The following CLEC2A variants were observed in gnomAD, a reference collection of about 807,000 sequenced individuals.
CLEC2A encodes keratinocyte-associated C-type lectin.
CLEC2A carries 19 observed loss-of-function variants against 18.6 expected under a neutral mutation model. That is an observed-to-expected ratio of 1.02 (90% CI 0.71 to 1.50). The LOEUF is 1.50. CLEC2A is among the 40% of genes most tolerant of loss of function. The pLI is 0.00. For synonymous variants in CLEC2A, 74 were observed against 64.0 expected, an observed-to-expected ratio of 1.16 and a Z score of -0.75; for missense variants, 190 against 207.9, an observed-to-expected ratio of 0.91 and a Z score of 0.53.
At chr12:9,904,664 A>G (rs930265642) in intron 4 of CLEC2A, among the ~76,000 whole-genome samples, 1 of 152,090 alleles carries the variant, frequency 6.6e-6, no homozygotes, top group South Asian at 2.1e-4. Flanking sequence ...GAAGATTCCT[A>G]TGGGGTCTCG....
At chr12:9,930,041 A>G (rs1863349698) in intron 1 of CLEC2A, among the ~76,000 whole-genome samples, 3 of 152,180 alleles carry the variant, frequency 2.0e-5, no homozygotes, top group South Asian at 4.1e-4. Flanking sequence ...TAAAATTAAC[A>G]GGAATGTATT....
intron 3 of CLEC2A, among the ~76,000 whole-genome samples, chr12:9,918,859 C>T (rs772625008): frequency 2.0e-5 from 3 of 152,122 alleles, no homozygotes; most frequent in South Asian, 2.1e-4. Flanking sequence ...TTAGTACAGT[C>T]GATAGATCTC....
At chr12:9,892,224 C>T in the CLEC2A span, among the ~76,000 whole-genome samples, 10 of 151,788 alleles carry the variant, frequency 6.6e-5, no homozygotes, top group African/African-American at 1.5e-4. Flanking sequence ...AAAAAGTTAG[C>T]GGGTAAAGAA....
downstream of CLEC2A, among the ~76,000 whole-genome samples, chr12:9,912,132 TA>T (rs569023749): frequency 1.6e-3 from 243 of 152,162 alleles, no homozygotes; most frequent in African/African-American, 5.7e-3. Flanking sequence ...AAGAAGGGGA[TA>T]AAAAAATCAG....
In CLEC2A at chr12:9,913,472, A is replaced by G; in HGVS notation, c.*94T>C. 1 of 1,461,612 alleles carries G rather than the reference A, an allele frequency of 6.8e-7. No homozygotes were observed. The highest frequency in any genetic ancestry group is 9.0e-7 in the Non-Finnish European group (1 of 1,115,406). The allele number at this position is 1,461,612 out of a possible 1,614,324, so 90.5% of individuals were successfully genotyped here. On this transcript the variant is annotated 3_prime_UTR_variant, in exon 5 of 5. Transcript: ENST00000455827. ...AATGGGCCCTCACCAGAGGTTCCGTATTCTGTAACAGAATAAGTGAGAAAG... is the reference window on the plus strand; with the variant it reads ...AATGGGCCCTCACCAGAGGTTCCGTGTTCTGTAACAGAATAAGTGAGAAAG...
At chr12:9,916,658 A>G (rs199613466) in intron 4 of CLEC2A, 42 bp downstream of exon 4, 2 of 1,212,922 alleles carry the variant, frequency 1.6e-6, no homozygotes, top group Admixed American at 2.0e-5. Context: ...TTTTCATATG[A>G]CACACCAGAA....
chr12:9,915,860 C>G (rs1282596630), intron 4 of CLEC2A, among the ~76,000 whole-genome samples: 2 of 152,108 alleles, frequency 1.3e-5, no homozygotes, highest in African/African-American at 4.8e-5. Context: ...CCAGAACTTA[C>G]AGTAAAATAA....
intron 2 of CLEC2A, among the ~76,000 whole-genome samples, chr12:9,923,719 A>G (rs1486378854): frequency 6.6e-6 from 1 of 152,208 alleles, no homozygotes; most frequent in Non-Finnish European, 1.5e-5. Context: ...AAAATGTGGC[A>G]CATATACACC....
At chr12:9,923,079 G>A (rs1454414626) in intron 2 of CLEC2A, among the ~76,000 whole-genome samples, 1 of 152,102 alleles carries the variant, frequency 6.6e-6, no homozygotes, top group East Asian at 1.9e-4. Context: ...GAGTGTGCAG[G>A]TTTGTGACGT....
intron 4 of CLEC2A, among the ~76,000 whole-genome samples, chr12:9,914,164 C>T (rs1863031635): frequency 6.6e-6 from 1 of 152,162 alleles, no homozygotes; most frequent in African/African-American, 2.4e-5. Flanking sequence ...TTGAAACATA[C>T]TGCAATAGAA....
chr12:9,893,707 C>T (rs962047401), downstream of CLEC2A, among the ~76,000 whole-genome samples: 15 of 45,182 alleles, frequency 3.3e-4, no homozygotes, highest in African/African-American at 6.8e-4. Context: ...CTTCCTCCCT[C>T]CCTTTTTTTT....
At chr12:9,903,241 T>C (rs946190662) in intron 4 of CLEC2A, among the ~76,000 whole-genome samples, 27 of 152,130 alleles carry the variant, frequency 1.8e-4, no homozygotes, top group African/African-American at 6.3e-4. Flanking sequence ...TTGCTGTTCT[T>C]CTTGATCACC....
intron 4 of CLEC2A, among the ~76,000 whole-genome samples, chr12:9,915,994 G>A (rs563798768): frequency 1.3e-4 from 19 of 150,282 alleles, no homozygotes; most frequent in African/African-American, 3.4e-4. Context: ...AATCTAGCAC[G>A]TTACTAAAAT....
the CLEC2A span, among the ~76,000 whole-genome samples, chr12:9,886,763 CAAAA>C: frequency 1.9e-5 from 2 of 103,516 alleles, no homozygotes; most frequent in Non-Finnish European, 1.9e-5. Context: ...CTATATCATG[CAAAA>C]AAAAAAAAAA....
chr12:9,892,438 T>C, the CLEC2A span, among the ~76,000 whole-genome samples: 3 of 152,284 alleles, frequency 2.0e-5, no homozygotes, highest in South Asian at 4.1e-4. Flanking sequence ...GGTAATTAAC[T>C]GTCAAAAATG....
chr12:9,898,219 A>G (rs77525390), downstream of CLEC2A, among the ~76,000 whole-genome samples: 1,213 of 152,280 alleles, frequency 8.0e-3, 17 homozygotes, highest in African/African-American at 0.028. Context: ...CATAGAACTG[A>G]TATTCATGAC....
intron 4 of CLEC2A, among the ~76,000 whole-genome samples, chr12:9,904,707 C>T (rs765689690): frequency 6.6e-6 from 1 of 152,142 alleles, no homozygotes; most frequent in East Asian, 1.9e-4. Flanking sequence ...CAATACCATT[C>T]AAATATGGAG....
chr12:9,913,315 CAGG>C lies in CLEC2A; in HGVS notation c.*248_*250del. The C allele has an allele frequency of 2.2e-6, 1 of 447,856 alleles. No homozygotes were observed. The allele number at this position is 447,856 out of a possible 1,614,324, so 27.7% of individuals were successfully genotyped here. A position where few individuals can be genotyped will look rare whatever the true frequency, so the allele number is the denominator to read the frequency against. On this transcript the variant is annotated 3_prime_UTR_variant, in exon 5 of 5. Transcript: ENST00000455827. ...GGTATTAGGGGATGGAGCCATCCAT[CAGG>C]AGGTGATTAGTTCATGAGGATGGAG... is the stretch of plus-strand genomic sequence containing the variant.
downstream of CLEC2A, among the ~76,000 whole-genome samples, chr12:9,897,924 C>A (rs536158575): frequency 2.8e-3 from 426 of 152,304 alleles, no homozygotes; most frequent in African/African-American, 9.6e-3. Flanking sequence ...ATAGACCAGG[C>A]ACATGGCTAT....
Sources: allele counts gnomAD v4.1 joint callset (sites outside exome capture counted in the v4.1 genomes callset), GRCh38; gene constraint gnomAD v4.1.1; transcripts MANE v1.5; gene names NCBI Gene and HGNC (gene_info 2026-07-23, HGNC 2026-07-21).